FSTL5: variants seen among roughly 807,000 people sequenced by gnomAD.
FSTL5 encodes follistatin like 5.
FSTL5 carries 62 observed loss-of-function variants against 89.1 expected under a neutral mutation model. The ratio of observed to expected loss-of-function variants is 0.70; its 90% confidence interval spans 0.57 to 0.86. The LOEUF (loss-of-function observed/expected upper bound fraction) is 0.86. FSTL5 is among the 40% of genes least tolerant of loss of function. The pLI, the probability that FSTL5 is intolerant of heterozygous loss-of-function variation, is 0.00. For missense variants in FSTL5, 1,057 were observed against 1,001.6 expected (o/e 1.06, Z -0.75); for synonymous variants, 383 against 346.2 (o/e 1.11, Z -1.18).
At chr4:161,626,477 T>C (rs1268189704) in intron 7 of FSTL5, among the ~76,000 whole-genome samples, 2 of 152,108 alleles carry the variant, frequency 1.3e-5, no homozygotes, top group Admixed American at 6.6e-5. Context: ...ATACTGCTCA[T>C]AAAAAAATAA....
rs5863460 is a variant in FSTL5, at chr4:161,461,934, TAA to T, written c.1609-2617_1609-2616del. 7.3e-4 allele frequency among the ~76,000 whole-genome samples: 111 copies of T among 151,184 alleles called. 1 individual carries two copies. The highest frequency in any genetic ancestry group is 3.4e-3 in the Middle Eastern group (1 of 290). On this transcript the variant is annotated intron_variant, in intron 13 of 15. Coordinates refer to ENST00000306100, the MANE Select transcript of FSTL5 (RefSeq NM_020116.5). ...TCAACACAAATGAAAAAAGAAACAG[TAA>T]AAAAAAAAATCTCATTGTTATTTAA...
chr4:161,705,424 C>T (rs1444574952), intron 6 of FSTL5, among the ~76,000 whole-genome samples: 2 of 152,044 alleles, frequency 1.3e-5, no homozygotes, highest in East Asian at 3.9e-4. Context: ...AATGAGAAGT[C>T]TCTTAGGAAA....
chr4:161,503,858 T>C (rs1730386311), intron 11 of FSTL5, among the ~76,000 whole-genome samples: 2 of 152,068 alleles, frequency 1.3e-5, no homozygotes, highest in Admixed American at 1.3e-4. Flanking sequence ...AAAGACTTTA[T>C]TGAGGTGCAA....
At chr4:161,547,364 A>G (rs535413475) in intron 8 of FSTL5, among the ~76,000 whole-genome samples, 59 of 152,128 alleles carry the variant, frequency 3.9e-4, no homozygotes, top group African/African-American at 1.4e-3. Context: ...CTCAAAGAGC[A>G]TAAATGTTTG....
intron 10 of FSTL5, among the ~76,000 whole-genome samples, chr4:161,528,546 G>C (rs1057072078): frequency 7.0e-6 from 1 of 142,692 alleles, no homozygotes; most frequent in Non-Finnish European, 1.5e-5. Flanking sequence ...AGAGTTAATA[G>C]AAATATATGG....
At chr4:161,933,416 A>C in intron 3 of FSTL5, among the ~76,000 whole-genome samples, 1 of 152,230 alleles carries the variant, frequency 6.6e-6, no homozygotes, top group South Asian at 2.1e-4. Flanking sequence ...ATACTAAGAT[A>C]CATGTCATGT....
chr4:162,087,404 G>A (rs13114175), intron 2 of FSTL5, among the ~76,000 whole-genome samples: 36,597 of 151,908 alleles, frequency 0.24, 5,113 homozygotes, highest in Non-Finnish European at 0.32. Flanking sequence ...TTCTCAGTTC[G>A]TATAATGACA....
chr4:161,978,705 A>G (rs1488123504), intron 3 of FSTL5, among the ~76,000 whole-genome samples: 1 of 152,082 alleles, frequency 6.6e-6, no homozygotes, highest in East Asian at 1.9e-4. Flanking sequence ...TCTGTAGTAT[A>G]ATCCCTTTGT....
chr4:161,761,622 C>T (rs1475097011), intron 5 of FSTL5, among the ~76,000 whole-genome samples: 4 of 152,114 alleles, frequency 2.6e-5, no homozygotes, highest in Non-Finnish European at 4.4e-5. Flanking sequence ...ATTGGACTTC[C>T]CACTTTATAC....
At chr4:161,767,261 T>G (rs1741046497) in intron 5 of FSTL5, among the ~76,000 whole-genome samples, 1 of 152,204 alleles carries the variant, frequency 6.6e-6, no homozygotes, top group African/African-American at 2.4e-5. Context: ...CAGGTCTGTT[T>G]TAGTCATAAT....
chr4:161,407,354 T>G (rs1731421977), intron 15 of FSTL5, among the ~76,000 whole-genome samples: 1 of 152,038 alleles, frequency 6.6e-6, no homozygotes, highest in Admixed American at 6.5e-5. Context: ...CCAACATAAT[T>G]TGAACAGATC....
chr4:162,094,987 G>A (rs1276030188), intron 2 of FSTL5, among the ~76,000 whole-genome samples: 1 of 151,882 alleles, frequency 6.6e-6, no homozygotes, highest in Non-Finnish European at 1.5e-5. Flanking sequence ...GGGTACTGAT[G>A]GCAATATTTT....
chr4:161,617,786 G>A (rs1275178991), intron 7 of FSTL5, among the ~76,000 whole-genome samples: 1 of 152,172 alleles, frequency 6.6e-6, no homozygotes, highest in African/African-American at 2.4e-5. Context: ...TATGTCCAGT[G>A]AAAATATTTG....
intron 3 of FSTL5, among the ~76,000 whole-genome samples, chr4:161,950,788 G>A (rs1734871347): frequency 6.6e-6 from 1 of 152,050 alleles, no homozygotes; most frequent in South Asian, 2.1e-4. Context: ...TACAGCCCAG[G>A]TTATTCAGTG....
chr4:161,776,001 A>G lies in FSTL5; in HGVS notation c.483T>C (p.Ile161=). ...MLLDLQNQKY[I]MQENENPNGD... is the part of the protein sequence containing the mutation. ...CATTAGGATTTTCATTTTCTTGCAT[A>G]ATATATTTTTGATTTTGTAAATCTA... Residue 161 remains isoleucine (I), a synonymous_variant, in exon 5 of 16, where the codon ATT becomes ATC. Coordinates refer to ENST00000306100, the MANE Select transcript of FSTL5 (RefSeq NM_020116.5). 6.3e-7 allele frequency: 1 copy of G among 1,597,820 alleles called. No individual in the cohort carries two copies. Among genetic ancestry groups the G allele is most frequent in the Admixed American group, 1.7e-5 (1 of 59,152 alleles).
intron 1 of FSTL5, among the ~76,000 whole-genome samples, chr4:162,159,141 A>C (rs1245993111): frequency 1.3e-5 from 2 of 152,066 alleles, no homozygotes; most frequent in Non-Finnish European, 2.9e-5. Flanking sequence ...AAATAATAAT[A>C]ACTCAAGAGA....
intron 2 of FSTL5, chr4:162,042,169 A>C (rs1428958256): frequency 6.6e-6 from 1 of 151,632 alleles, no homozygotes; most frequent in Non-Finnish European, 1.5e-5. Flanking sequence ...GAAAAAAAAA[A>C]TGTTATATGA....
intron 1 of FSTL5, among the ~76,000 whole-genome samples, chr4:162,149,719 G>A (rs529867954): frequency 6.6e-6 from 1 of 152,124 alleles, no homozygotes; most frequent in Admixed American, 6.5e-5. Context: ...ATCTGTGTGT[G>A]TATATGTATA....
intron 4 of FSTL5, among the ~76,000 whole-genome samples, chr4:161,780,464 C>T (rs1021546416): frequency 3.9e-5 from 6 of 152,090 alleles, no homozygotes; most frequent in African/African-American, 9.7e-5. Flanking sequence ...GAGACCAGTG[C>T]GAAATCTCCT....
Sources: gnomAD v4.1 joint callset for allele counts (sites outside exome capture counted in the v4.1 genomes callset) on GRCh38, gnomAD v4.1.1 for gene constraint, MANE v1.5 for transcripts, NCBI Gene and HGNC (gene_info 2026-07-23, HGNC 2026-07-21) for gene names.